RNFT2: variants seen among roughly 807,000 people sequenced by gnomAD.
RNFT2 encodes the protein E3 ubiquitin-protein ligase RNFT2.
RNFT2 carries 36 observed loss-of-function variants against 53.0 expected under a neutral mutation model. The ratio of observed to expected loss-of-function variants is 0.68; its 90% CI spans 0.52 to 0.90. The LOEUF (loss-of-function observed/expected upper bound fraction) is 0.90. Ranked by LOEUF, RNFT2 falls within the 40% of genes least tolerant of loss-of-function variation. RNFT2 has a pLI of 0.00. For synonymous variants in RNFT2, 260 were observed against 253.2 expected (o/e 1.03, Z -0.26); for missense variants, 514 against 585.6 (o/e 0.88, Z 1.26).
At chr12:116,844,834 C>T (rs1254880498) in intron 10 of RNFT2, among the ~76,000 whole-genome samples, 1 of 152,120 alleles carries the variant, frequency 6.6e-6, no homozygotes. Context: ...TATGTAAGTA[C>T]CTCTTTTGTC....
intron 9 of RNFT2, 30 bp downstream of exon 9, chr12:116,836,055 G>C (rs530405978): frequency 6.2e-7 from 1 of 1,613,192 alleles, no homozygotes; most frequent in Non-Finnish European, 8.5e-7. Flanking sequence ...TCCCCACCAG[G>C]GTCCTGAGAA....
intron 5 of RNFT2, among the ~76,000 whole-genome samples, chr12:116,766,444 C>T (rs1056066938): frequency 5.3e-5 from 8 of 152,056 alleles, no homozygotes; most frequent in African/African-American, 1.9e-4. Context: ...TAAGATATAC[C>T]CATTTTACAG....
chr12:116,789,635 G>GTGGATGGATGGATGGATGGA (rs148322297), intron 7 of RNFT2, among the ~76,000 whole-genome samples: 2 of 131,988 alleles, frequency 1.5e-5, no homozygotes, highest in African/African-American at 3.3e-5. Context: ...TGGGAGGAGA[G>GTGGATGGATGGATGGATGGA]TGGATGGATG....
At chr12:116,843,512 A>C (rs190151881) in intron 10 of RNFT2, among the ~76,000 whole-genome samples, 2,689 of 149,278 alleles carry the variant, frequency 0.018, 53 homozygotes, top group South Asian at 0.028. Flanking sequence ...AAAAAAAAAA[A>C]AAACCCCAAG....
chr12:116,816,121 G>A (rs1401483531), intron 7 of RNFT2, among the ~76,000 whole-genome samples: 1 of 152,144 alleles, frequency 6.6e-6, no homozygotes, highest in Non-Finnish European at 1.5e-5. Context: ...GGAAGAGAAC[G>A]CCTTTTCGTA....
At chr12:116,751,515 T>C (rs996346752) in intron 4 of RNFT2, among the ~76,000 whole-genome samples, 3 of 151,598 alleles carry the variant, frequency 2.0e-5, no homozygotes, top group Non-Finnish European at 4.4e-5. Flanking sequence ...GCAATTCTCC[T>C]GCCTCAGCCT....
At chr12:116,833,679 A>C in intron 7 of RNFT2, 113 bp from the exon 8 acceptor site, 1 of 1,072,476 alleles carries the variant, frequency 9.3e-7, no homozygotes, top group Non-Finnish European at 1.4e-6. Flanking sequence ...AGAGCTGATT[A>C]ATGGCCTGCC....
At chr12:116,745,762 G>A (rs971540186) in intron 3 of RNFT2, among the ~76,000 whole-genome samples, 14 of 152,198 alleles carry the variant, frequency 9.2e-5, no homozygotes, top group Non-Finnish European at 1.8e-4. Context: ...TTCTCAGAGC[G>A]TTTAGTATGC....
intron 7 of RNFT2, among the ~76,000 whole-genome samples, chr12:116,803,342 C>T (rs1874894630): frequency 2.0e-5 from 3 of 152,132 alleles, no homozygotes; most frequent in Admixed American, 6.6e-5. Context: ...TGAGATTTTT[C>T]ATTTTTAGGT....
chr12:116,746,867 TC>T (rs1383089363), intron 3 of RNFT2, among the ~76,000 whole-genome samples: 1 of 151,996 alleles, frequency 6.6e-6, no homozygotes, highest in East Asian at 1.9e-4. Context: ...TCAAATACAG[TC>T]AGCCCTCCAT....
At chr12:116,786,096 G>A (rs907223039) in intron 7 of RNFT2, among the ~76,000 whole-genome samples, 30 of 151,640 alleles carry the variant, frequency 2.0e-4, no homozygotes, top group Admixed American at 1.4e-3. Flanking sequence ...TGGATGAGGC[G>A]ATGGAGGTTA....
chr12:116,749,895 T>G lies in RNFT2; in HGVS notation c.138T>G (p.Phe46Leu), dbSNP rs767437355. 1 of 1,589,808 alleles carries G rather than the reference T, an allele frequency of 6.3e-7. No homozygotes were observed. Among genetic ancestry groups the G allele is most frequent in the Non-Finnish European group, 8.6e-7 (1 of 1,168,062 alleles). Residue 46 changes from phenylalanine to leucine, a missense_variant, in exon 4 of 11, where the codon TTT (phenylalanine) becomes TTG (leucine). This residue lies in a region of RNFT2 where 237 missense variants were observed against 235.1 expected (regional missense o/e 1.01). Coordinates refer to ENST00000257575, the MANE Select transcript of RNFT2 (RefSeq NM_001382266.1). ...SEASVDEGGV[F>L]ESLKAEAASP... ...CGAGTGTGGATGAAGGTGGCGTCTT[T>G]GAGAGTCTGAAGGCAGAGGCAGCCT...
rs368997333 is a variant in RNFT2, at chr12:116,741,022, G to A, written c.25-14G>A. On this transcript the variant is annotated splice_polypyrimidine_tract_variant and intron_variant, in intron 2 of 10. Coordinates refer to ENST00000257575, the MANE Select transcript of RNFT2 (RefSeq NM_001382266.1). Reference sequence around the variant, plus strand: ...TGTTGGGAGACTCTGGCTCACCCATGTGTTGGGTTTTAGGTGTTAAGGAAG... The same window carrying A: ...TGTTGGGAGACTCTGGCTCACCCATATGTTGGGTTTTAGGTGTTAAGGAAG... The A allele has an allele frequency of 5.6e-6, 9 of 1,606,422 alleles. No individual in the cohort carries two copies. The highest frequency in any genetic ancestry group is 6.0e-6 in the Non-Finnish European group (7 of 1,175,536).
intron 3 of RNFT2, among the ~76,000 whole-genome samples, chr12:116,744,697 C>T (rs1592933784): frequency 6.6e-6 from 1 of 152,320 alleles, no homozygotes; most frequent in Admixed American, 6.5e-5. Flanking sequence ...CAGCCTCTGT[C>T]CCCCTAAGGA....
intron 7 of RNFT2, among the ~76,000 whole-genome samples, chr12:116,825,982 A>AG (rs890203693): frequency 1.4e-4 from 21 of 152,212 alleles, no homozygotes; most frequent in African/African-American, 5.1e-4. Flanking sequence ...ATCTTGATAC[A>AG]GAAAAAAAAA....
chr12:116,852,138 T>G lies in RNFT2; in HGVS notation c.*2690T>G. The G allele has an allele frequency of 9.7e-7, 1 of 1,029,976 alleles. No individual in the cohort carries two copies. The highest frequency in any genetic ancestry group is 1.3e-6 in the Non-Finnish European group (1 of 743,944). 63.8% of individuals were successfully genotyped at this position (1,029,976 alleles called of 1,614,324 possible). On this transcript the variant is annotated 3_prime_UTR_variant, in exon 11 of 11. Transcript: ENST00000257575. The stretch of plus-strand genomic sequence containing the variant: ...ACGCAGAAGCCACCAGAATCTTGCC[T>G]GCCCTATTCCTCCTCCCAAGTCTGT...
At chr12:116,785,811 G>A (rs1054672923) in intron 7 of RNFT2, among the ~76,000 whole-genome samples, 1 of 152,166 alleles carries the variant, frequency 6.6e-6, no homozygotes, top group African/African-American at 2.4e-5. Flanking sequence ...CACTTTGGGA[G>A]GCCAAGATGG....
At chr12:116,766,255 C>T (rs1457039056) in intron 5 of RNFT2, among the ~76,000 whole-genome samples, 1 of 151,800 alleles carries the variant, frequency 6.6e-6, no homozygotes, top group African/African-American at 2.4e-5. Flanking sequence ...GTACTCCAGC[C>T]TAGGGAACAG....
At chr12:116,794,672 A>AAGGGAGGGAGGGAGGTAGGG in intron 7 of RNFT2, among the ~76,000 whole-genome samples, 2 of 59,618 alleles carry the variant, frequency 3.4e-5, no homozygotes, top group East Asian at 1.6e-3. Context: ...GGGAGGAAGG[A>AAGGGAGGGAGGGAGGTAGGG]AGGGAGGGAG....
Sources: allele counts gnomAD v4.1 joint callset (sites outside exome capture counted in the v4.1 genomes callset), GRCh38; gene constraint gnomAD v4.1.1; regional missense constraint gnomAD v4.1.1; transcripts MANE v1.5; gene names NCBI Gene and HGNC (gene_info 2026-07-23, HGNC 2026-07-21).